The following CHP2 variants were observed in gnomAD, a reference collection of about 807,000 sequenced individuals.
CHP2 encodes calcineurin B homologous protein 2.
Under a neutral mutation model 24.7 loss-of-function variants are expected in CHP2, and 31 were observed. The observed-to-expected ratio is 1.26, with a 90% CI of 0.94 to 1.69. CHP2 has a LOEUF of 1.69. CHP2 is among the 40% of genes most tolerant of loss of function. The pLI is 0.00. For synonymous variants in CHP2, 97 were observed against 99.1 expected, an observed-to-expected ratio of 0.98 and a Z score of 0.13; for missense variants, 319 against 261.5, an observed-to-expected ratio of 1.22 and a Z score of -1.52.
chr16:23,757,588 G>A lies in CHP2; in HGVS notation c.*5G>A, dbSNP rs149423884. 9.4e-5 allele frequency: 152 copies of A among 1,613,772 alleles called. No individual in the cohort carries two copies. The African/African-American group carries it at 1.0e-3, about 11-fold the overall frequency. ...AGCATCCGGATCCTGAAGTGACTCC[G>A]TTTGTGCCTTGGGCTTGCTCCTGCA... On this transcript the variant is annotated 3_prime_UTR_variant, in exon 7 of 7. Coordinates refer to ENST00000300113, the MANE Select transcript of CHP2 (RefSeq NM_022097.4).
chr16:23,757,748 C>T lies in CHP2; in HGVS notation c.*165C>T. ...TGGAAGGATGTGTACTAAAGTCTAG[C>T]TCAGCAGTCCCCAACCTTTTTGGCA... On this transcript the variant is annotated 3_prime_UTR_variant, in exon 7 of 7. Coordinates refer to ENST00000300113, the MANE Select transcript of CHP2 (RefSeq NM_022097.4). 1.5e-6 allele frequency: 1 copy of T among 687,336 alleles called. No homozygotes were observed. The highest frequency in any genetic ancestry group is 2.6e-6 in the Non-Finnish European group (1 of 386,382). The allele number at this position is 687,336 out of a possible 1,614,324, so 42.6% of individuals were successfully genotyped here.
chr16:23,758,241 T>C lies in CHP2; in HGVS notation c.*658T>C, dbSNP rs1329709776. 1 of 152,448 alleles carries C rather than the reference T, an allele frequency of 6.6e-6. No individual in the cohort carries two copies. Among genetic ancestry groups the C allele is most frequent in the Admixed American group, 6.5e-5 (1 of 15,306 alleles). 9.4% of individuals were successfully genotyped at this position (152,448 alleles called of 1,614,324 possible). A position where few individuals can be genotyped will look rare whatever the true frequency, so the allele number is the denominator to read the frequency against. ...AGACCCCACACCAGGTCTATCTCATTTGGTCTCAGAGCTGTGAATCAGCCA... is the reference window on the plus strand; with the variant it reads ...AGACCCCACACCAGGTCTATCTCATCTGGTCTCAGAGCTGTGAATCAGCCA... On this transcript the variant is annotated 3_prime_UTR_variant, in exon 7 of 7. Transcript: ENST00000300113.
At chr16:23,755,362 C>A in intron 1 of CHP2, 1 of 596,182 alleles carries the variant, frequency 1.7e-6, no homozygotes, top group Non-Finnish European at 3.0e-6. Flanking sequence ...GGAATCCAGG[C>A]ACCCAGGTGT....
chr16:23,757,336 T>C lies in CHP2; in HGVS notation c.537+13T>C, dbSNP rs776317534. 4.6e-5 allele frequency: 74 copies of C among 1,603,492 alleles called. No homozygotes were observed. In the South Asian group the frequency reaches 8.0e-4, roughly 17 times the overall value. On this transcript the variant is annotated intron_variant, in intron 6 of 6. Transcript: ENST00000300113. ...GGAGTTCACCAAGGTCAGAGTGCCC[T>C]TGGGGATTGGGGAGTTGAGATCAGG...
chr16:23,755,113 G>T lies in CHP2; in HGVS notation c.64G>T (p.Gly22Cys). ...PDGDSIRRETGFSQASLLRLH... is the reference protein window; with the variant it reads ...PDGDSIRRETCFSQASLLRLH... ...CGGGGACAGTATTCGGCGAGAGACC[G>T]GCTGTGAGTGCGCCCGCGTCGGCGG... The change falls in exon 1 of 7, where the codon GGC becomes TGC. Residue 22 changes from glycine to cysteine, a missense_variant. Physicochemically the swap from Gly to Cys is radical, Grantham distance 159. Coordinates refer to ENST00000300113, the MANE Select transcript of CHP2 (RefSeq NM_022097.4). 6.3e-7 allele frequency: 1 copy of T among 1,599,252 alleles called. No individual in the cohort carries two copies. The highest frequency in any genetic ancestry group is 8.5e-7 in the Non-Finnish European group (1 of 1,175,038).
At position 23,756,423 on chromosome 16, in the gene CHP2, A is replaced by G. The variant is rs1306247711; in HGVS notation, c.388A>G (p.Lys130Glu). 6.2e-7 allele frequency: 1 copy of G among 1,613,894 alleles called. No individual in the cohort carries two copies. Among genetic ancestry groups the G allele is most frequent in the Non-Finnish European group, 8.5e-7 (1 of 1,179,932 alleles). ...GCTCTATGACCTGGATCGCGATGGG[A>G]AGATCTCCAGGCATGAGATGCTGCA... ...FQLYDLDRDG[K>E]ISRHEMLQVL... Residue 130 changes from lysine to glutamate, a missense_variant, in exon 5 of 7, where the codon AAG becomes GAG. Coordinates refer to ENST00000300113, the MANE Select transcript of CHP2 (RefSeq NM_022097.4).
At position 23,756,416 on chromosome 16, in the gene CHP2, C is replaced by T. The variant is rs371734934; in HGVS notation, c.381C>T (p.Arg127=). ...HYAFQLYDLD[R]DGKISRHEML... is the part of the protein sequence containing the mutation. The stretch of plus-strand genomic sequence containing the variant: ...CATTTCAGCTCTATGACCTGGATCG[C>T]GATGGGAAGATCTCCAGGCATGAGA... The change falls in exon 5 of 7, where the codon CGC becomes CGT. Residue 127 remains arginine, a synonymous_variant. Transcript: ENST00000300113. 12 of 1,613,676 alleles carry T rather than the reference C, an allele frequency of 7.4e-6. No homozygotes were observed. The highest frequency in any genetic ancestry group is 2.2e-5 in the East Asian group (1 of 44,876).
Position 23,756,376 on chromosome 16 carries a change from C to T in CHP2, c.353-12C>T, listed in dbSNP as rs961071059. On this transcript the variant is annotated splice_polypyrimidine_tract_variant and intron_variant, in intron 4 of 6. Transcript: ENST00000300113. ...GACCTACCTTCCTTTCCCCCTCCCA[C>T]CCTCTCCCCAGATGCATTTCAGCTC... The T allele has an allele frequency of 2.1e-5, 34 of 1,611,192 alleles. No homozygotes were observed. The highest frequency in any genetic ancestry group is 2.9e-5 in the Non-Finnish European group (34 of 1,177,796).
In CHP2 at chr16:23,756,117, TG is replaced by T. The variant is rs1207762982; in HGVS notation, c.277del (p.Val93Ter). ...TCAGGGTCTTGGCTCATTTTCGCCC[TG>T]TAGAAGATGAGGACACAGAAACCCA... ...FVRVLAHFRP[V>X]EDEDTETQDP... On this transcript the variant is annotated frameshift_variant, in exon 4 of 7. Transcript: ENST00000300113. LOFTEE classifies it high-confidence loss of function. 6.2e-7 allele frequency: 1 copy of T among 1,614,146 alleles called. No individual in the cohort carries two copies. Among genetic ancestry groups the T allele is most frequent in the South Asian group, 1.1e-5 (1 of 91,082 alleles).
At chr16:23,755,990 G>C in intron 3 of CHP2, 63 bp downstream of exon 3, 1 of 1,613,710 alleles carries the variant, frequency 6.2e-7, no homozygotes, top group Non-Finnish European at 8.5e-7. Flanking sequence ...GGGTGGGAGG[G>C]GAGGTTAGAG....
In CHP2 at chr16:23,755,716, T is replaced by A; in HGVS notation, c.123T>A (p.Asn41Lys). ...ACCGGTTCCGGGCACTGGACAGGAA[T>A]AAGAAGGGCTACCTGAGGTGAGGGG... ...LHHRFRALDR[N>K]KKGYLSRMDL... The change falls in exon 2 of 7, where the codon AAT becomes AAA. Residue 41 changes from asparagine to lysine, a missense_variant. By Grantham distance (94) the Asn-to-Lys change is moderately conservative. Transcript: ENST00000300113. The A allele has an allele frequency of 1.9e-6, 3 of 1,614,164 alleles. No homozygotes were observed. The highest frequency in any genetic ancestry group is 2.2e-5 in the East Asian group (1 of 44,864).
chr16:23,757,346 G>T, intron 6 of CHP2, 23 bp downstream of exon 6: 1 of 1,602,376 alleles, frequency 6.2e-7, no homozygotes, highest in Non-Finnish European at 8.5e-7. Context: ...TTGGGGATTG[G>T]GGAGTTGAGA....
rs578091900 is a variant in CHP2 at position 23,755,059 on chromosome 16, C to G, written c.10C>G (p.Arg4Gly). MGS[R>G]SSHAAVIPDG... ...CGCCTCCAGCTCGGCCATGGGGTCG[C>G]GCAGCTCCCACGCCGCGGTCATTCC... The change falls in exon 1 of 7, where the codon CGC becomes GGC. Residue 4 changes from arginine (R) to glycine (G), a missense_variant. Arg to Gly is a moderately radical substitution (Grantham distance 125). Coordinates refer to ENST00000300113, the MANE Select transcript of CHP2 (RefSeq NM_022097.4). 9 of 1,596,072 alleles carry G rather than the reference C, an allele frequency of 5.6e-6. No individual in the cohort carries two copies. Among genetic ancestry groups the G allele is most frequent in the Non-Finnish European group, 5.1e-6 (6 of 1,174,804 alleles).
chr16:23,757,844 T>G lies in CHP2; in HGVS notation c.*261T>G. On this transcript the variant is annotated 3_prime_UTR_variant, in exon 7 of 7. Coordinates refer to ENST00000300113, the MANE Select transcript of CHP2 (RefSeq NM_022097.4). ...GATGATTCAAGTGCATTACATTTAT[T>G]GTGCACTTTATTTCTATTATGATTA... 1 of 521,212 alleles carries G rather than the reference T, an allele frequency of 1.9e-6. No individual in the cohort carries two copies. The highest frequency in any genetic ancestry group is 3.5e-6 in the Non-Finnish European group (1 of 289,236). The allele number at this position is 521,212 out of a possible 1,614,324, so 32.3% of individuals were successfully genotyped here. A position where few individuals can be genotyped will look rare whatever the true frequency, so the allele number is the denominator to read the frequency against.
intron 5 of CHP2, 76 bp downstream of exon 5, chr16:23,756,525 G>T: frequency 7.6e-7 from 1 of 1,313,292 alleles, no homozygotes; most frequent in Non-Finnish European, 1.1e-6. Context: ...GAGAGATGGG[G>T]TGGGATGATT....
At position 23,757,272 on chromosome 16, in the gene CHP2, G is replaced by A. The variant is rs1419367766; in HGVS notation, c.486G>A (p.Gln162=). 6.2e-7 allele frequency: 1 copy of A among 1,614,032 alleles called. No homozygotes were observed. The highest frequency in any genetic ancestry group is 1.1e-5 in the South Asian group (1 of 91,064). The change falls in exon 6 of 7, where the codon CAG becomes CAA. Residue 162 remains glutamine, a synonymous_variant. Transcript: ENST00000300113. ...QLENIADRTV[Q]EADEDGDGAV... ...AGAACATCGCTGACCGCACGGTGCA[G>A]GAGGCTGATGAAGATGGGGATGGGG... is the stretch of plus-strand genomic sequence containing the variant.
At chr16:23,756,251 G>A (rs754339372) in intron 4 of CHP2, 58 bp downstream of exon 4, 2 of 1,605,692 alleles carry the variant, frequency 1.2e-6, no homozygotes, top group Non-Finnish European at 1.7e-6. Context: ...CCAGGGACAG[G>A]CTCCAGGGAT....
intron 1 of CHP2, 140 bp downstream of exon 1, chr16:23,755,256 C>T (rs903097738): frequency 7.8e-6 from 5 of 638,994 alleles, no homozygotes; most frequent in Non-Finnish European, 1.1e-5. Flanking sequence ...GACCAAGGCC[C>T]CTGTGCCTGG....
intron 6 of CHP2, 93 bp from the exon 7 acceptor site, chr16:23,757,437 G>T (rs1961241364): frequency 6.3e-7 from 1 of 1,578,374 alleles, no homozygotes; most frequent in Admixed American, 1.7e-5. Context: ...GGAATGATGG[G>T]GTCTCTGGAA....
Sources: allele counts gnomAD v4.1 joint callset, GRCh38; gene constraint gnomAD v4.1.1; transcripts MANE v1.5; gene names NCBI Gene and HGNC (gene_info 2026-07-23, HGNC 2026-07-21).